Variants in GRAMD1C observed in about 807,000 individuals in gnomAD.
GRAMD1C encodes the protein GRAM domain containing 1C.
GRAMD1C carries 89 observed loss-of-function variants against 97.8 expected under a neutral mutation model. The observed-to-expected ratio is 0.91, with a 90% CI of 0.77 to 1.09. The LOEUF (loss-of-function observed/expected upper bound fraction) is 1.09. Among genes scored for constraint, GRAMD1C ranks in the 50% least tolerant of loss-of-function variants. The probability of loss-of-function intolerance (pLI) is 0.00; values close to 1 mark genes in which losing one functional copy is unlikely to be tolerated. For synonymous variants in GRAMD1C, 256 were observed against 267.0 expected, an observed-to-expected ratio of 0.96 and a Z score of 0.40; for missense variants, 740 against 766.4, an observed-to-expected ratio of 0.97 and a Z score of 0.41.
chr3:113,893,715 G>C (rs1283669297), intron 6 of GRAMD1C, among the ~76,000 whole-genome samples: 1 of 152,180 alleles, frequency 6.6e-6, no homozygotes, highest in Non-Finnish European at 1.5e-5. Flanking sequence ...TTAGGCCTTT[G>C]TCAAAGTAAA....
chr3:113,927,915 C>T (rs1235029147), intron 10 of GRAMD1C, among the ~76,000 whole-genome samples: 2 of 152,144 alleles, frequency 1.3e-5, no homozygotes, highest in African/African-American at 4.8e-5. Flanking sequence ...GTTCCAGGGT[C>T]CAAGGCTTAT....
chr3:113,847,023 G>A (rs1933642775), intron 2 of GRAMD1C, among the ~76,000 whole-genome samples: 1 of 152,102 alleles, frequency 6.6e-6, no homozygotes, highest in African/African-American at 2.4e-5. Context: ...CTGGTAATAG[G>A]AGAGATCCTC....
chr3:113,944,330 C>T (rs1362804971), intron 17 of GRAMD1C, among the ~76,000 whole-genome samples: 1 of 152,206 alleles, frequency 6.6e-6, no homozygotes. Context: ...CCAGAGGCCA[C>T]GTCTCTTCAT....
intron 15 of GRAMD1C, 101 bp from the exon 16 acceptor site, chr3:113,939,785 G>A: frequency 1.5e-6 from 1 of 654,262 alleles, no homozygotes; most frequent in East Asian, 2.7e-5. Context: ...GAAAAACAGT[G>A]TAGACAATAC....
chr3:113,830,490 C>T (rs113128230), intron 1 of GRAMD1C, among the ~76,000 whole-genome samples: 6 of 152,302 alleles, frequency 3.9e-5, no homozygotes, highest in African/African-American at 1.2e-4. Flanking sequence ...CTTACCCTTA[C>T]TATCTGCCTA....
At chr3:113,885,721 C>T (rs1935450394) in intron 6 of GRAMD1C, 8 of 1,550,262 alleles carry the variant, frequency 5.2e-6, no homozygotes, top group African/African-American at 4.1e-5. Flanking sequence ...TTTGCTGTGG[C>T]AGGTAAACTG....
intron 1 of GRAMD1C, among the ~76,000 whole-genome samples, chr3:113,841,385 A>G (rs539166237): frequency 1.4e-5 from 2 of 140,676 alleles, no homozygotes; most frequent in East Asian, 4.5e-4. Flanking sequence ...TCCCGGGTTC[A>G]AGCAATTCTC....
chr3:113,935,499 T>C (rs537822810), intron 13 of GRAMD1C, among the ~76,000 whole-genome samples: 97 of 150,556 alleles, frequency 6.4e-4, no homozygotes, highest in African/African-American at 2.3e-3. Flanking sequence ...TATATATATA[T>C]ATACACACAC....
At chr3:113,875,962 G>T in intron 4 of GRAMD1C, 1 of 476,410 alleles carries the variant, frequency 2.1e-6, no homozygotes, top group Non-Finnish European at 3.7e-6. Context: ...GGAGTTGTTG[G>T]GGGAGAATAC....
At chr3:113,934,755 T>C (rs984743774) in intron 13 of GRAMD1C, among the ~76,000 whole-genome samples, 2 of 152,128 alleles carry the variant, frequency 1.3e-5, no homozygotes, top group Non-Finnish European at 2.9e-5. Flanking sequence ...TATTTTTTAT[T>C]TTTTTTGAGA....
chr3:113,843,388 A>T (rs1933456909), intron 1 of GRAMD1C, among the ~76,000 whole-genome samples: 1 of 151,880 alleles, frequency 6.6e-6, no homozygotes, highest in Non-Finnish European at 1.5e-5. Flanking sequence ...ATATGCTTTT[A>T]TAATGGCTAC....
intron 2 of GRAMD1C, among the ~76,000 whole-genome samples, chr3:113,856,399 C>G (rs1398526775): frequency 6.6e-6 from 1 of 152,126 alleles, no homozygotes; most frequent in Admixed American, 6.5e-5. Flanking sequence ...TGGATAGAAT[C>G]AAGATCGTTT....
chr3:113,933,204 AT>A (rs560961803), intron 11 of GRAMD1C, among the ~76,000 whole-genome samples: 127 of 151,464 alleles, frequency 8.4e-4, no homozygotes, highest in African/African-American at 3.0e-3. Flanking sequence ...ATTAAAAAAA[AT>A]TTTTTTTGTA....
chr3:113,915,980 G>T (rs1936797087), intron 10 of GRAMD1C, 142 bp downstream of exon 10: 1 of 635,098 alleles, frequency 1.6e-6, no homozygotes, highest in Non-Finnish European at 2.7e-6. Context: ...ATATAAACTG[G>T]TATTCAAATG....
chr3:113,860,378 A>T (rs1057192211), intron 2 of GRAMD1C, among the ~76,000 whole-genome samples: 4 of 152,200 alleles, frequency 2.6e-5, no homozygotes, highest in Middle Eastern at 3.2e-3. Context: ...AAAGATATTT[A>T]AAAAGACATT....
At chr3:113,925,827 T>C (rs1333050115) in intron 10 of GRAMD1C, among the ~76,000 whole-genome samples, 1 of 152,248 alleles carries the variant, frequency 6.6e-6, no homozygotes, top group Non-Finnish European at 1.5e-5. Flanking sequence ...CCTTCACTTA[T>C]GAAACTTAGT....
chr3:113,833,100 T>TTTTCTTTC (rs745966042), intron 1 of GRAMD1C, among the ~76,000 whole-genome samples: 197 of 147,152 alleles, frequency 1.3e-3, no homozygotes, highest in African/African-American at 4.8e-3. Flanking sequence ...TTTTCTTTTC[T>TTTTCTTTC]TTTCTTTCTT....
intron 5 of GRAMD1C, among the ~76,000 whole-genome samples, chr3:113,880,901 G>A (rs1301805893): frequency 2.6e-5 from 4 of 152,096 alleles, no homozygotes; most frequent in Admixed American, 2.6e-4. Context: ...AGAGACCCTG[G>A]TCTTAGCTTC....
At position 113,882,806 on chromosome 3, in the gene GRAMD1C, T is replaced by C. The variant is rs776167793; in HGVS notation, c.514T>C (p.Leu172=). 1.9e-6 allele frequency: 3 copies of C among 1,588,426 alleles called. No homozygotes were observed. Among genetic ancestry groups the C allele is most frequent in the East Asian group, 2.2e-5 (1 of 44,624 alleles). The part of the protein sequence containing the change: ...RDRSYLSIFR[L]WQNVLLDKSL... ...TAGAAGTTACCTCAGTATCTTTAGGTTGTGGCAGAATGTATTATTAGATAA... is the reference window on the plus strand; with the variant it reads ...TAGAAGTTACCTCAGTATCTTTAGGCTGTGGCAGAATGTATTATTAGATAA... The change falls in exon 6 of 18, where the codon TTG becomes CTG. Residue 172 remains leucine, a synonymous_variant. Transcript: ENST00000358160.
Sources: gnomAD v4.1 joint callset for allele counts (sites outside exome capture counted in the v4.1 genomes callset) on GRCh38, gnomAD v4.1.1 for gene constraint, MANE v1.5 for transcripts, NCBI Gene and HGNC (gene_info 2026-07-23, HGNC 2026-07-21) for gene names.